CNTN5: variants seen among roughly 807,000 people sequenced by gnomAD.
The protein encoded by CNTN5 is contactin 5, also known as contactin-5.
CNTN5 carries 77 observed loss-of-function variants against 129.1 expected under a neutral mutation model. The ratio of observed to expected loss-of-function variants is 0.60; its 90% CI spans 0.50 to 0.72. The LOEUF (loss-of-function observed/expected upper bound fraction) is 0.72, where lower values mean the gene tolerates loss of function less well. CNTN5 is among the 30% of genes least tolerant of loss of function. The pLI is 0.00. For synonymous variants in CNTN5, 509 were observed against 465.6 expected, an observed-to-expected ratio of 1.09 and a Z score of -1.20; for missense variants, 1,478 against 1,328.8, an observed-to-expected ratio of 1.11 and a Z score of -1.75.
At chr11:99,639,284 C>T (rs1951679471) in intron 3 of CNTN5, among the ~76,000 whole-genome samples, 1 of 152,160 alleles carries the variant, frequency 6.6e-6, no homozygotes, top group African/African-American at 2.4e-5. Context: ...GGGCCTGGCC[C>T]ATGAAACCAC....
In CNTN5 at chr11:99,616,863, C is replaced by T. The variant is rs1322165275; in HGVS notation, c.55+60594C>T. Among the ~76,000 whole-genome samples the T allele has an allele frequency of 2.0e-5, 3 of 152,222 alleles. No homozygotes were observed. In the East Asian group the frequency reaches 5.8e-4, roughly 29 times the overall value. On this transcript the variant is annotated intron_variant, in intron 3 of 24. Coordinates refer to ENST00000524871, the MANE Select transcript of CNTN5 (RefSeq NM_014361.4). Reference sequence around the variant, plus strand: ...CAGTGGCTCACGCCTGTAATCCCAGCACTTTGGGAGGCCGAGGCGGGTCGA... The same window carrying T: ...CAGTGGCTCACGCCTGTAATCCCAGTACTTTGGGAGGCCGAGGCGGGTCGA...
chr11:99,497,920 A>G (rs1946287282), intron 2 of CNTN5, among the ~76,000 whole-genome samples: 1 of 152,162 alleles, frequency 6.6e-6, no homozygotes, highest in African/African-American at 2.4e-5. Context: ...TTTAGGGTAA[A>G]TTCCAAAGTG....
intron 13 of CNTN5, among the ~76,000 whole-genome samples, chr11:100,183,503 AG>A (rs1183091347): frequency 2.0e-5 from 3 of 152,182 alleles, no homozygotes; most frequent in Non-Finnish European, 4.4e-5. Flanking sequence ...CTAGAGTAAA[AG>A]TATGTAATGT....
chr11:99,026,852 T>C (rs1169600634), intron 1 of CNTN5, among the ~76,000 whole-genome samples: 1 of 151,646 alleles, frequency 6.6e-6, no homozygotes, highest in Admixed American at 6.6e-5. Flanking sequence ...ATCTTGATTA[T>C]TTTTGTATCT....
intron 6 of CNTN5, among the ~76,000 whole-genome samples, chr11:99,904,044 T>C (rs1202947575): frequency 2.0e-5 from 3 of 152,166 alleles, no homozygotes; most frequent in East Asian, 3.8e-4. Context: ...AAAGGGGAAC[T>C]CTTTTTAATG....
intron 2 of CNTN5, among the ~76,000 whole-genome samples, chr11:99,489,675 A>G (rs1945958716): frequency 6.6e-6 from 1 of 152,208 alleles, no homozygotes; most frequent in South Asian, 2.1e-4. Context: ...ATATTTATGA[A>G]TTGTGAAGCA....
intron 2 of CNTN5, among the ~76,000 whole-genome samples, chr11:99,337,370 C>T (rs991766984): frequency 6.6e-6 from 1 of 152,268 alleles, no homozygotes; most frequent in African/African-American, 2.4e-5. Context: ...GAGCCCGGAA[C>T]AGACATTTAC....
At chr11:99,896,720 T>A (rs922483234) in intron 6 of CNTN5, among the ~76,000 whole-genome samples, 1 of 152,192 alleles carries the variant, frequency 6.6e-6, no homozygotes, top group Non-Finnish European at 1.5e-5. Flanking sequence ...CACCTTTGCA[T>A]GCTTCAAACA....
chr11:99,511,775 A>G (rs1008486979), intron 2 of CNTN5, among the ~76,000 whole-genome samples: 11 of 152,048 alleles, frequency 7.2e-5, no homozygotes, highest in African/African-American at 2.7e-4. Context: ...TACATATGTA[A>G]CTAACCTGCA....
chr11:100,234,309 AT>A (rs1949555181), intron 16 of CNTN5, among the ~76,000 whole-genome samples: 2 of 152,284 alleles, frequency 1.3e-5, no homozygotes, highest in African/African-American at 4.8e-5. Context: ...TACCCAAAGG[AT>A]TATAAATCAT....
At chr11:100,178,202 T>C (rs1948029346) in intron 13 of CNTN5, among the ~76,000 whole-genome samples, 1 of 152,156 alleles carries the variant, frequency 6.6e-6, no homozygotes, top group South Asian at 2.1e-4. Context: ...ACAGCTGCCA[T>C]CATGCCTCTC....
chr11:100,162,491 G>A (rs756054300), intron 13 of CNTN5, among the ~76,000 whole-genome samples: 7 of 151,784 alleles, frequency 4.6e-5, no homozygotes, highest in Non-Finnish European at 4.4e-5. Flanking sequence ...GAATGAAGGC[G>A]TACTGATTTT....
chr11:100,357,969 TGTAA>T lies in CNTN5; in HGVS notation c.*1758_*1761del, dbSNP rs1187742919. On this transcript the variant is annotated 3_prime_UTR_variant, in exon 25 of 25. Transcript: ENST00000524871. ...ACTACAGATGGTAAGTATTTAAGCCTGTAAGTAAGTAATTATGACCAAGTGGCCT... is the reference window on the plus strand; with the variant it reads ...ACTACAGATGGTAAGTATTTAAGCCTGTAAGTAATTATGACCAAGTGGCCT... 1.3e-5 allele frequency: 2 copies of T among 151,862 alleles called. No individual in the cohort carries two copies. Among genetic ancestry groups the T allele is most frequent in the Admixed American group, 6.6e-5 (1 of 15,208 alleles). 9.4% of individuals were successfully genotyped at this position (151,862 alleles called of 1,614,324 possible). A position where few individuals can be genotyped will look rare whatever the true frequency, so the allele number is the denominator to read the frequency against.
At chr11:99,211,798 C>T (rs1408655676) in intron 1 of CNTN5, among the ~76,000 whole-genome samples, 1 of 152,006 alleles carries the variant, frequency 6.6e-6, no homozygotes, top group Non-Finnish European at 1.5e-5. Context: ...ATCATGAATA[C>T]TTTATATGAT....
chr11:99,688,929 A>G (rs1215514327), intron 3 of CNTN5, among the ~76,000 whole-genome samples: 1 of 152,182 alleles, frequency 6.6e-6, no homozygotes, highest in Non-Finnish European at 1.5e-5. Context: ...CCCGCAAACA[A>G]CATGATCTCA....
intron 3 of CNTN5, among the ~76,000 whole-genome samples, chr11:99,580,113 T>A (rs1949520118): frequency 6.6e-6 from 1 of 152,208 alleles, no homozygotes; most frequent in East Asian, 1.9e-4. Context: ...TTTGGTTCTG[T>A]TTAGACGCTG....
At chr11:100,331,387 G>C (rs1235353304) in intron 21 of CNTN5, among the ~76,000 whole-genome samples, 1 of 152,082 alleles carries the variant, frequency 6.6e-6, no homozygotes, top group Non-Finnish European at 1.5e-5. Flanking sequence ...ATAACAGTGG[G>C]ATACTTTAAT....
chr11:99,043,342 A>G (rs1252828270), intron 1 of CNTN5, among the ~76,000 whole-genome samples: 2 of 127,138 alleles, frequency 1.6e-5, no homozygotes, highest in African/African-American at 6.0e-5. Flanking sequence ...TGTCCATGTG[A>G]GTTAGTGGGT....
At chr11:100,076,035 C>T (rs1944113508) in intron 13 of CNTN5, among the ~76,000 whole-genome samples, 1 of 152,060 alleles carries the variant, frequency 6.6e-6, no homozygotes, top group Admixed American at 6.6e-5. Flanking sequence ...ATTGTGAGAT[C>T]ATTGTTGCCT....
Sources: gnomAD v4.1 joint callset for allele counts (sites outside exome capture counted in the v4.1 genomes callset) on GRCh38, gnomAD v4.1.1 for gene constraint, MANE v1.5 for transcripts, NCBI Gene and HGNC (gene_info 2026-07-23, HGNC 2026-07-21) for gene names.